PIP5K1A: variants seen among roughly 807,000 people sequenced by gnomAD.
PIP5K1A encodes the protein phosphatidylinositol-4-phosphate 5-kinase type 1 alpha, also known as phosphatidylinositol 4-phosphate 5-kinase type-1 alpha.
PIP5K1A carries 46 observed loss-of-function variants against 72.9 expected under a neutral mutation model. That is an observed-to-expected ratio of 0.63 (90% confidence interval 0.50 to 0.81). The LOEUF is 0.81. Among genes scored for constraint, PIP5K1A ranks in the 30% least tolerant of loss-of-function variants. The pLI is 0.00. For missense variants in PIP5K1A, 458 were observed against 706.1 expected, an observed-to-expected ratio of 0.65 and a Z score of 3.98; for synonymous variants, 228 against 255.1, an observed-to-expected ratio of 0.89 and a Z score of 1.01.
At chr1:151,236,819 TTC>T (rs1690937816) in intron 9 of PIP5K1A, 56 bp downstream of exon 9, 28 of 939,102 alleles carry the variant, frequency 3.0e-5, no homozygotes, top group Non-Finnish European at 3.4e-5. Flanking sequence ...CACTTTTCTT[TTC>T]TTTTTTTTTT....
intron 4 of PIP5K1A, 44 bp downstream of exon 4, chr1:151,227,444 C>G (rs1689318697): frequency 7.7e-7 from 1 of 1,290,942 alleles, no homozygotes; most frequent in Admixed American, 1.7e-5. Flanking sequence ...AGGAGCTCAG[C>G]AGCTTACTCT....
chr1:151,221,658 A>G (rs2102381322), intron 1 of PIP5K1A, among the ~76,000 whole-genome samples: 1 of 152,340 alleles, frequency 6.6e-6, no homozygotes, highest in Admixed American at 6.5e-5. Context: ...AATCATGGGT[A>G]TGGATTACAA....
chr1:151,224,437 A>T, intron 3 of PIP5K1A, 31 bp downstream of exon 3: 1 of 1,436,516 alleles, frequency 7.0e-7, no homozygotes, highest in Non-Finnish European at 9.8e-7. Context: ...CTCATCTTTT[A>T]TTGTAGTTTA....
chr1:151,198,751 G>A lies in PIP5K1A; in HGVS notation c.-246G>A. The A allele has an allele frequency of 1.4e-5, 8 of 588,626 alleles. No homozygotes were observed. The highest frequency in any genetic ancestry group is 1.8e-5 in the Non-Finnish European group (6 of 328,450). The allele number at this position is 588,626 out of a possible 1,614,324, so 36.5% of individuals were successfully genotyped here. ...TCTGTGAAAGGGGAAAGTATCCCCT[G>A]TGGAAAGCGGTTAAACTTGTGGAGG... is the stretch of plus-strand genomic sequence containing the variant. On this transcript the variant is annotated 5_prime_UTR_variant, in exon 1 of 16. The change creates a new upstream start codon in the 5' untranslated region. Coordinates refer to ENST00000368888, the MANE Select transcript of PIP5K1A (RefSeq NM_001135638.2).
At chr1:151,212,285 C>G (rs999807424) in intron 1 of PIP5K1A, among the ~76,000 whole-genome samples, 6 of 152,166 alleles carry the variant, frequency 3.9e-5, no homozygotes, top group African/African-American at 1.4e-4. Context: ...ATTTCTCATT[C>G]TGAAGTTTCC....
At chr1:151,240,748 T>C (rs1313211923) in intron 12 of PIP5K1A, among the ~76,000 whole-genome samples, 1 of 152,106 alleles carries the variant, frequency 6.6e-6, no homozygotes, top group Non-Finnish European at 1.5e-5. Flanking sequence ...GGCAACATCA[T>C]GAGACCTTGT....
intron 1 of PIP5K1A, among the ~76,000 whole-genome samples, chr1:151,219,091 G>A (rs927166652): frequency 5.3e-5 from 8 of 151,786 alleles, no homozygotes; most frequent in African/African-American, 1.9e-4. Flanking sequence ...CTTGAAAATT[G>A]GAAAGTAGGC....
At chr1:151,219,202 G>A (rs900057326) in intron 1 of PIP5K1A, among the ~76,000 whole-genome samples, 6 of 151,986 alleles carry the variant, frequency 3.9e-5, no homozygotes, top group Admixed American at 6.6e-5. Context: ...CCAACATGGC[G>A]AAACCCTGTC....
intron 1 of PIP5K1A, among the ~76,000 whole-genome samples, chr1:151,200,974 C>CCTG (rs2101834105): frequency 6.6e-6 from 1 of 152,138 alleles, no homozygotes; most frequent in East Asian, 1.9e-4. Flanking sequence ...GGACTACAGG[C>CCTG]GCCCACCACC....
chr1:151,221,138 G>A (rs1688344055), intron 1 of PIP5K1A, among the ~76,000 whole-genome samples: 2 of 152,046 alleles, frequency 1.3e-5, no homozygotes. Context: ...AAACCCTGTA[G>A]TATTTTTTGA....
intron 4 of PIP5K1A, among the ~76,000 whole-genome samples, chr1:151,231,331 T>G (rs587606226): frequency 4.6e-5 from 7 of 152,148 alleles, no homozygotes; most frequent in African/African-American, 1.7e-4. Context: ...GAGTGAGAAC[T>G]AAGAACGTTG....
At chr1:151,223,348 CAAAA>C (rs1234599998) in intron 1 of PIP5K1A, among the ~76,000 whole-genome samples, 2 of 63,420 alleles carry the variant, frequency 3.2e-5, no homozygotes, top group Admixed American at 1.8e-4. Context: ...AACTCCGTCT[CAAAA>C]AAAAAAAAAA....
chr1:151,198,323 A>G (rs1684729782), upstream of PIP5K1A, among the ~76,000 whole-genome samples: 1 of 152,092 alleles, frequency 6.6e-6, no homozygotes, highest in African/African-American at 2.4e-5. Flanking sequence ...TCCCGAGTTC[A>G]GATCACTCGA....
At chr1:151,223,745 T>G (rs1688728837) in intron 1 of PIP5K1A, 1 of 153,118 alleles carries the variant, frequency 6.5e-6, no homozygotes, top group Non-Finnish European at 1.4e-5. Context: ...CCTAGCACTT[T>G]GGGAGGCTTG....
At chr1:151,200,672 C>T (rs1685092950) in intron 1 of PIP5K1A, among the ~76,000 whole-genome samples, 1 of 152,042 alleles carries the variant, frequency 6.6e-6, no homozygotes, top group African/African-American at 2.4e-5. Context: ...TAATAAGCTG[C>T]AGTTTTATTT....
At chr1:151,220,014 ATTTATTTT>A (rs963626572) in intron 1 of PIP5K1A, among the ~76,000 whole-genome samples, 3 of 151,334 alleles carry the variant, frequency 2.0e-5, no homozygotes, top group African/African-American at 7.3e-5. Flanking sequence ...CTATTTATTT[ATTTATTTT>A]TGAGACAGAG....
At chr1:151,208,393 C>T (rs1227842243) in intron 1 of PIP5K1A, among the ~76,000 whole-genome samples, 3 of 135,292 alleles carry the variant, frequency 2.2e-5, no homozygotes, top group Non-Finnish European at 3.1e-5. Flanking sequence ...TGGAGTCTCA[C>T]TCTGTCGCCT....
In PIP5K1A at chr1:151,242,350, C is replaced by G. The variant is rs140652107; in HGVS notation, c.1510+81C>G. The stretch of plus-strand genomic sequence containing the variant: ...AGCCTTTATCTTGTCTGGCCAGGAC[C>G]TCTGCTCCCATTTCTATCCAGGAAG... On this transcript the variant is annotated intron_variant, in intron 13 of 15. Transcript: ENST00000368888. 1.8e-4 allele frequency: 288 copies of G among 1,599,692 alleles called. 2 individuals are homozygous for G. In the East Asian group the frequency reaches 6.3e-3, roughly 35 times the overall value.
At chr1:151,239,828 C>T in intron 11 of PIP5K1A, 127 bp from the exon 12 acceptor site, 2 of 708,236 alleles carry the variant, frequency 2.8e-6, no homozygotes, top group South Asian at 3.3e-5. Context: ...ACGTCTGGCC[C>T]CTTCCGTTTA....
Sources: gnomAD v4.1 joint callset for allele counts (sites outside exome capture counted in the v4.1 genomes callset) on GRCh38, gnomAD v4.1.1 for gene constraint, MANE v1.5 for transcripts, NCBI Gene and HGNC (gene_info 2026-07-23, HGNC 2026-07-21) for gene names.